Variants in ELFN1 observed in about 807,000 individuals in gnomAD.
ELFN1 encodes the protein extracellular leucine rich repeat and fibronectin type III domain containing 1.
In ELFN1, 6 loss-of-function variants were observed where a neutral mutation model predicts 7.6. The ratio of observed to expected loss-of-function variants is 0.79; its 90% CI spans 0.43 to 1.56. The LOEUF is 1.56. Among genes scored for constraint, ELFN1 ranks in the 40% most tolerant of loss-of-function variants. The pLI is 0.01. For missense variants in ELFN1, 1,169 were observed against 1,232.2 expected, an observed-to-expected ratio of 0.95 and a Z score of 0.77; for synonymous variants, 657 against 588.1, an observed-to-expected ratio of 1.12 and a Z score of -1.70.
rs1780410798 is a variant in ELFN1, at chr7:1,735,187, CACCGGCGG to C, written c.-293-9112_-293-9105del. On this transcript the variant is annotated intron_variant, in intron 3 of 3. Coordinates refer to ENST00000424383, the MANE Select transcript of ELFN1 (RefSeq NM_001128636.4). This position sits in a 1 kb window ranked among gnomAD's most constrained non-coding sequence, Gnocchi z 5.9. ...GGCTTTGCATGCGGGAGGTGCTGCACACCGGCGGACCGTCGAGGAAACAGGAGCTTTTC... is the reference window on the plus strand; with the variant it reads ...GGCTTTGCATGCGGGAGGTGCTGCACACCGTCGAGGAAACAGGAGCTTTTC... Among the ~76,000 whole-genome samples, 2 of 152,290 alleles carry C rather than the reference CACCGGCGG, an allele frequency of 1.3e-5. No homozygotes were observed. The highest frequency in any genetic ancestry group is 4.1e-4 in the South Asian group (2 of 4,828).
intron 1 of ELFN1, among the ~76,000 whole-genome samples, chr7:1,675,092 G>A (rs987321871): frequency 2.6e-5 from 4 of 152,190 alleles, no homozygotes; most frequent in Non-Finnish European, 2.9e-5. Context: ...GGACCCGGCA[G>A]CCCACGGCGT....
chr7:1,741,026 AG>A (rs1225641694), intron 3 of ELFN1, among the ~76,000 whole-genome samples: 1 of 150,186 alleles, frequency 6.7e-6, no homozygotes, highest in African/African-American at 2.4e-5. Flanking sequence ...GCTACTTGAG[AG>A]GCTGAGGCAG....
rs1405789833 is a variant in ELFN1 at position 1,702,103 on chromosome 7, T to G, written c.-455-6988T>G. ...TAATATCTGAGTCACCATAGCTTTA[T>G]AGTCAACTGTCATTATCTGATGGAA... is the stretch of plus-strand genomic sequence containing the variant. On this transcript the variant is annotated intron_variant, in intron 2 of 3. Transcript: ENST00000424383. Among the ~76,000 whole-genome samples the G allele has an allele frequency of 2.0e-5, 3 of 152,148 alleles. No homozygotes were observed. In the South Asian group the frequency reaches 6.2e-4, roughly 32 times the overall value.
chr7:1,729,592 C>T (rs529658148), intron 3 of ELFN1, among the ~76,000 whole-genome samples: 60 of 152,308 alleles, frequency 3.9e-4, no homozygotes, highest in African/African-American at 1.4e-3. Context: ...GACACGGCTT[C>T]GCTTCTACCA....
At chr7:1,717,819 G>C (rs570228906) in intron 3 of ELFN1, among the ~76,000 whole-genome samples, 1 of 152,276 alleles carries the variant, frequency 6.6e-6, no homozygotes, top group South Asian at 2.1e-4. Flanking sequence ...GTCAGGGACA[G>C]GTCGCAGGGG....
chr7:1,696,791 T>G (rs1779323683), intron 2 of ELFN1, among the ~76,000 whole-genome samples: 1 of 152,178 alleles, frequency 6.6e-6, no homozygotes. Flanking sequence ...GAGAACCCGC[T>G]GCCTCCTCTC....
Position 1,693,802 on chromosome 7 carries a change from G to A in ELFN1, c.-456+5652G>A, listed in dbSNP as rs571244755. On this transcript the variant is annotated intron_variant, in intron 2 of 3. Transcript: ENST00000424383. The stretch of plus-strand genomic sequence containing the variant: ...CTGACAGACACGGGGTGCGGGACAC[G>A]TGGGATGGGCCTCCCCAGGGACGGC... 1.9e-4 allele frequency: 87 copies of A among 470,082 alleles called. 1 individual carries two copies. Among genetic ancestry groups the A allele is most frequent in the African/African-American group, 1.4e-3 (69 of 50,180 alleles). The allele number at this position is 470,082 out of a possible 1,614,324, so 29.1% of individuals were successfully genotyped here.
intron 3 of ELFN1, among the ~76,000 whole-genome samples, chr7:1,715,355 C>G (rs1312149720): frequency 6.6e-6 from 1 of 152,196 alleles, no homozygotes; most frequent in Non-Finnish European, 1.5e-5. Flanking sequence ...CTGCTTCCGC[C>G]TCCACCCCAC....
intron 1 of ELFN1, among the ~76,000 whole-genome samples, chr7:1,678,707 T>C (rs575624346): frequency 7.9e-4 from 121 of 152,268 alleles, no homozygotes; most frequent in African/African-American, 2.8e-3. Flanking sequence ...GCCCCAGCGG[T>C]CGTGGGTGTG....
intron 3 of ELFN1, among the ~76,000 whole-genome samples, chr7:1,712,948 A>G (rs1036833654): frequency 2.0e-5 from 3 of 152,184 alleles, no homozygotes; most frequent in Non-Finnish European, 4.4e-5. Flanking sequence ...GCCTGGCATC[A>G]AGTAGATACT....
intron 1 of ELFN1, among the ~76,000 whole-genome samples, chr7:1,684,013 G>T (rs1779018880): frequency 6.6e-6 from 1 of 152,058 alleles, no homozygotes; most frequent in East Asian, 1.9e-4. Flanking sequence ...AGCTGGGCAT[G>T]GTTGTGCACA....
At position 1,747,121 on chromosome 7, in the gene ELFN1, G is replaced by T; in HGVS notation, c.*38G>T. On this transcript the variant is annotated 3_prime_UTR_variant, in exon 4 of 4. Coordinates refer to ENST00000424383, the MANE Select transcript of ELFN1 (RefSeq NM_001128636.4). Reference sequence around the variant, plus strand: ...CGGCGATGCCCACTGGACCAAAAAGGATGCAGGATCCACCCAGAGACTCAG... The same window carrying T: ...CGGCGATGCCCACTGGACCAAAAAGTATGCAGGATCCACCCAGAGACTCAG... 1 of 1,434,142 alleles carries T rather than the reference G, an allele frequency of 7.0e-7. No homozygotes were observed. The highest frequency in any genetic ancestry group is 9.2e-7 in the Non-Finnish European group (1 of 1,088,448). The allele number at this position is 1,434,142 out of a possible 1,614,324, so 88.8% of individuals were successfully genotyped here.
rs952094719 is a variant in ELFN1 at position 1,705,357 on chromosome 7, T to G, written c.-455-3734T>G. Among the ~76,000 whole-genome samples the G allele has an allele frequency of 1.3e-5, 2 of 152,206 alleles. No individual in the cohort carries two copies. Among genetic ancestry groups the G allele is most frequent in the African/African-American group, 4.8e-5 (2 of 41,456 alleles). On this transcript the variant is annotated intron_variant, in intron 2 of 3. Coordinates refer to ENST00000424383, the MANE Select transcript of ELFN1 (RefSeq NM_001128636.4). This position sits in a 1 kb window ranked among gnomAD's most constrained non-coding sequence, Gnocchi z 4.3. ...CTGATATAAGTGTTTGAAATGCAAA[T>G]GTCAAGTTTGGGCGCCTTCATTTTT...
chr7:1,682,072 T>G (rs1778983905), intron 1 of ELFN1, among the ~76,000 whole-genome samples: 1 of 152,236 alleles, frequency 6.6e-6, no homozygotes, highest in Admixed American at 6.5e-5. Flanking sequence ...TTCATTTTCT[T>G]AATGGTATCT....
intron 1 of ELFN1, among the ~76,000 whole-genome samples, chr7:1,672,848 A>G (rs1778793022): frequency 6.6e-6 from 1 of 152,040 alleles, no homozygotes; most frequent in Admixed American, 6.6e-5. Flanking sequence ...TGGGGTGTTC[A>G]TATATCTTCA....
chr7:1,676,468 G>A (rs1337101544), intron 1 of ELFN1, among the ~76,000 whole-genome samples: 3 of 152,340 alleles, frequency 2.0e-5, no homozygotes, highest in East Asian at 1.9e-4. Context: ...CCTCTCCTCC[G>A]TCATGTGAGG....
At chr7:1,715,370 G>C (rs1260121814) in intron 3 of ELFN1, among the ~76,000 whole-genome samples, 1 of 152,162 alleles carries the variant, frequency 6.6e-6, no homozygotes, top group Non-Finnish European at 1.5e-5. Flanking sequence ...CCCCACACCT[G>C]GCTGCTTCTC....
intron 1 of ELFN1, among the ~76,000 whole-genome samples, chr7:1,675,280 A>C (rs955362813): frequency 2.6e-5 from 4 of 152,028 alleles, no homozygotes; most frequent in Admixed American, 2.0e-4. Flanking sequence ...CCGCGCTGAG[A>C]GCTTCTCACC....
intron 2 of ELFN1, chr7:1,693,240 G>C: frequency 2.4e-6 from 1 of 422,404 alleles, no homozygotes; most frequent in South Asian, 1.8e-5. Flanking sequence ...GACACCTTAA[G>C]AGTCCAGCAG....
Sources: gnomAD v4.1 joint callset for allele counts (sites outside exome capture counted in the v4.1 genomes callset) on GRCh38, gnomAD v4.1.1 for gene constraint, Gnocchi (gnomAD v3.1) non-coding constraint, MANE v1.5 for transcripts, NCBI Gene and HGNC (gene_info 2026-07-23, HGNC 2026-07-21) for gene names.